EPHA6: variants seen among roughly 807,000 people sequenced by gnomAD.
The protein encoded by EPHA6 is ephrin type-A receptor 6.
In EPHA6, 50 loss-of-function variants were observed where a neutral mutation model predicts 112.0. The ratio of observed to expected loss-of-function variants is 0.45; its 90% CI spans 0.36 to 0.56. The LOEUF (loss-of-function observed/expected upper bound fraction) is 0.56, where lower values mean the gene tolerates loss of function less well. Among genes scored for constraint, EPHA6 ranks in the 20% least tolerant of loss-of-function variants. The pLI is 0.00. For missense variants in EPHA6, 1,280 were observed against 1,417.4 expected (o/e 0.90, Z 1.56); for synonymous variants, 529 against 490.7 (o/e 1.08, Z -1.03).
At chr3:97,613,034 T>C (rs529622522) in intron 13 of EPHA6, among the ~76,000 whole-genome samples, 1 of 152,112 alleles carries the variant, frequency 6.6e-6, no homozygotes, top group African/African-American at 2.4e-5. Flanking sequence ...CCTTTGCACG[T>C]AGAGTTTCTA....
Position 97,450,697 on chromosome 3 carries a change from A to G in EPHA6, c.1894+1967A>G, listed in dbSNP as rs1476242147. On this transcript the variant is annotated intron_variant, in intron 7 of 17. Coordinates refer to ENST00000389672, the MANE Select transcript of EPHA6 (RefSeq NM_001080448.3). The stretch of plus-strand genomic sequence containing the variant: ...TTGTACTCACAAGTAACTCAGTACA[A>G]TTCACTCATTCAACCGACATGTATA... Among the ~76,000 whole-genome samples, 3 of 152,096 alleles carry G rather than the reference A, an allele frequency of 2.0e-5. No individual in the cohort carries two copies. The East Asian group carries it at 5.8e-4, about 29-fold the overall frequency.
At chr3:96,984,772 C>T (rs898345895) in intron 2 of EPHA6, among the ~76,000 whole-genome samples, 4 of 152,146 alleles carry the variant, frequency 2.6e-5, no homozygotes, top group African/African-American at 7.2e-5. Flanking sequence ...CTCCCCCAGC[C>T]CTGCTGCCTT....
chr3:96,865,381 T>G (rs2036245049), intron 1 of EPHA6, among the ~76,000 whole-genome samples: 1 of 151,844 alleles, frequency 6.6e-6, no homozygotes, highest in African/African-American at 2.4e-5. Context: ...TTTTAAAAAA[T>G]TATAGATGAG....
intron 5 of EPHA6, among the ~76,000 whole-genome samples, chr3:97,328,867 C>A (rs575763217): frequency 1.3e-5 from 2 of 152,010 alleles, no homozygotes; most frequent in Admixed American, 6.6e-5. Flanking sequence ...GCACAACGTG[C>A]AGGTTTGTTA....
At chr3:97,460,716 C>T (rs1310450205) in intron 7 of EPHA6, among the ~76,000 whole-genome samples, 1 of 152,126 alleles carries the variant, frequency 6.6e-6, no homozygotes, top group Non-Finnish European at 1.5e-5. Context: ...TACAAAGACC[C>T]ATGCCCATTG....
At chr3:96,981,280 AGGCC>A (rs2042762618) in intron 2 of EPHA6, among the ~76,000 whole-genome samples, 2 of 152,142 alleles carry the variant, frequency 1.3e-5, no homozygotes, top group Admixed American at 1.3e-4. Context: ...ATTTTGTCAA[AGGCC>A]TTTTCTGCAT....
At chr3:96,836,345 A>T (rs1453598533) in intron 1 of EPHA6, among the ~76,000 whole-genome samples, 3 of 152,134 alleles carry the variant, frequency 2.0e-5, no homozygotes, top group African/African-American at 4.8e-5. Context: ...TAGGTTGGCT[A>T]ACACTGGTCT....
chr3:97,482,330 G>C (rs1476500399), intron 9 of EPHA6, among the ~76,000 whole-genome samples: 1 of 152,180 alleles, frequency 6.6e-6, no homozygotes, highest in Non-Finnish European at 1.5e-5. Flanking sequence ...TACTAGGTTT[G>C]AGGTTATAGA....
chr3:97,473,245 G>A (rs540323077), intron 7 of EPHA6, among the ~76,000 whole-genome samples: 5 of 151,702 alleles, frequency 3.3e-5, no homozygotes, highest in African/African-American at 9.7e-5. Context: ...CTCCACAGAG[G>A]AGTGTTTACA....
intron 13 of EPHA6, among the ~76,000 whole-genome samples, chr3:97,620,337 C>T (rs976332451): frequency 3.3e-5 from 5 of 151,926 alleles, no homozygotes; most frequent in African/African-American, 1.2e-4. Context: ...CTAGGTAATA[C>T]CATTCAGGAG....
In EPHA6 at chr3:97,450,470, ACT is replaced by A. The variant is rs546094599; in HGVS notation, c.1894+1744_1894+1745del. On this transcript the variant is annotated intron_variant, in intron 7 of 17. Transcript: ENST00000389672. ...TATTGCATTTTTAAGTGAGAAATGC[ACT>A]CTCAGATAAACTCATAGAGCTACAT... Among the ~76,000 whole-genome samples, 52 of 152,104 alleles carry A rather than the reference ACT, an allele frequency of 3.4e-4. No homozygotes were observed. In the East Asian group the frequency reaches 8.9e-3, roughly 26 times the overall value.
At chr3:97,612,601 A>G (rs569387904) in intron 13 of EPHA6, 12 of 217,284 alleles carry the variant, frequency 5.5e-5, no homozygotes, top group South Asian at 4.6e-4. Context: ...ATCTTACTAC[A>G]TGTTTAGAAG....
chr3:97,150,160 A>G (rs1169591279), intron 3 of EPHA6, among the ~76,000 whole-genome samples: 1 of 152,078 alleles, frequency 6.6e-6, no homozygotes, highest in Non-Finnish European at 1.5e-5. Flanking sequence ...TAGTTAAAAA[A>G]TTGATCTTCA....
chr3:97,687,572 T>C (rs2032347438), intron 14 of EPHA6, among the ~76,000 whole-genome samples: 2 of 152,234 alleles, frequency 1.3e-5, no homozygotes, highest in African/African-American at 4.8e-5. Flanking sequence ...GTTATTTTTA[T>C]ACTGTATTTT....
intron 5 of EPHA6, among the ~76,000 whole-genome samples, chr3:97,305,644 C>T (rs530637591): frequency 6.6e-6 from 1 of 151,900 alleles, no homozygotes; most frequent in Admixed American, 6.6e-5. Context: ...ACATGTTCTC[C>T]CTTATAAGTG....
chr3:97,296,944 AG>A (rs2080894808), intron 5 of EPHA6, among the ~76,000 whole-genome samples: 1 of 152,200 alleles, frequency 6.6e-6, no homozygotes, highest in African/African-American at 2.4e-5. Flanking sequence ...ATGGAAAAGC[AG>A]GGTCTATTGG....
At chr3:97,654,289 C>T (rs760645995) in intron 14 of EPHA6, among the ~76,000 whole-genome samples, 2 of 151,588 alleles carry the variant, frequency 1.3e-5, no homozygotes, top group African/African-American at 4.8e-5. Flanking sequence ...GCTGAAAAAG[C>T]GCTGGGGAGA....
intron 2 of EPHA6, among the ~76,000 whole-genome samples, chr3:96,953,873 A>T (rs2041653383): frequency 1.3e-5 from 2 of 150,290 alleles, no homozygotes; most frequent in African/African-American, 4.9e-5. Context: ...GACTATTTCA[A>T]TAACTTTTTT....
intron 3 of EPHA6, among the ~76,000 whole-genome samples, chr3:97,210,334 G>A (rs1202860690): frequency 6.6e-6 from 1 of 152,156 alleles, no homozygotes; most frequent in Non-Finnish European, 1.5e-5. Context: ...AAATGAGAGT[G>A]AAGTGAAGAC....
Sources: gnomAD v4.1 joint callset for allele counts (sites outside exome capture counted in the v4.1 genomes callset) on GRCh38, gnomAD v4.1.1 for gene constraint, MANE v1.5 for transcripts, NCBI Gene and HGNC (gene_info 2026-07-23, HGNC 2026-07-21) for gene names.